The following CCDC149 variants were observed in gnomAD, a reference collection of about 807,000 sequenced individuals.
CCDC149 encodes the protein coiled-coil domain containing 149.
CCDC149 carries 45 observed loss-of-function variants against 59.9 expected under a neutral mutation model. The ratio of observed to expected loss-of-function variants is 0.75; its 90% confidence interval spans 0.59 to 0.96. The LOEUF is 0.96. Among genes scored for constraint, CCDC149 ranks in the 40% least tolerant of loss-of-function variants. The pLI, the probability that CCDC149 is intolerant of heterozygous loss-of-function variation, is 0.00. For synonymous variants in CCDC149, 245 were observed against 260.6 expected, an observed-to-expected ratio of 0.94 and a Z score of 0.58; for missense variants, 584 against 664.7, an observed-to-expected ratio of 0.88 and a Z score of 1.33.
intron 4 of CCDC149, among the ~76,000 whole-genome samples, chr4:24,844,707 A>G (rs2109161067): frequency 6.6e-6 from 1 of 152,276 alleles, no homozygotes; most frequent in African/African-American, 2.4e-5. Context: ...CGGGAGGCGG[A>G]GGTTGCAGTG....
At chr4:24,854,917 C>A (rs1717906332) in intron 3 of CCDC149, among the ~76,000 whole-genome samples, 1 of 152,166 alleles carries the variant, frequency 6.6e-6, no homozygotes, top group Non-Finnish European at 1.5e-5. Context: ...CAAAGGTCAC[C>A]GTCTCAACAG....
intron 3 of CCDC149, among the ~76,000 whole-genome samples, chr4:24,864,446 C>T (rs1384063287): frequency 3.9e-5 from 6 of 152,154 alleles, no homozygotes; most frequent in Admixed American, 1.3e-4. Flanking sequence ...GACCCTCACC[C>T]AGGAACCAAC....
intron 1 of CCDC149, among the ~76,000 whole-genome samples, chr4:24,888,122 GC>G (rs138378184): frequency 0.013 from 1,991 of 152,202 alleles, 42 homozygotes; most frequent in African/African-American, 0.046. Context: ...CTGCCCACCT[GC>G]CCACTTGTCT....
intron 1 of CCDC149, among the ~76,000 whole-genome samples, chr4:24,968,030 A>G (rs1391170335): frequency 6.6e-6 from 1 of 152,200 alleles, no homozygotes; most frequent in African/African-American, 2.4e-5. Flanking sequence ...GTATTGGTTA[A>G]CAAAGAAGGG....
intron 1 of CCDC149, among the ~76,000 whole-genome samples, chr4:24,900,961 C>A (rs4697075): frequency 0.14 from 21,156 of 152,186 alleles, 1,579 homozygotes; most frequent in East Asian, 0.21. Flanking sequence ...TCAAGGTCAG[C>A]ATGAAGAGGC....
At chr4:24,959,725 G>GA (rs1420022293) in intron 1 of CCDC149, among the ~76,000 whole-genome samples, 1 of 152,024 alleles carries the variant, frequency 6.6e-6, no homozygotes, top group Non-Finnish European at 1.5e-5. Context: ...TTTTTCATCA[G>GA]AAAAAAATGC....
chr4:24,855,457 A>G (rs927160248), intron 3 of CCDC149, among the ~76,000 whole-genome samples: 10 of 151,966 alleles, frequency 6.6e-5, no homozygotes, highest in Non-Finnish European at 1.5e-5. Context: ...TCCCAGCTAC[A>G]GTGGAGGCTG....
At chr4:24,879,297 C>A (rs1005288526) in intron 1 of CCDC149, among the ~76,000 whole-genome samples, 2 of 152,042 alleles carry the variant, frequency 1.3e-5, no homozygotes, top group African/African-American at 4.8e-5. Flanking sequence ...GGGCAGAACA[C>A]CTGAGGTCTC....
At chr4:24,932,721 C>T (rs1018349022) in intron 1 of CCDC149, among the ~76,000 whole-genome samples, 1 of 152,124 alleles carries the variant, frequency 6.6e-6, no homozygotes, top group Admixed American at 6.5e-5. Flanking sequence ...TGCAACCCAG[C>T]ACTGGCTTCC....
chr4:24,895,239 G>A (rs995643139), intron 1 of CCDC149: 2 of 589,828 alleles, frequency 3.4e-6, no homozygotes, highest in Admixed American at 2.7e-5. Context: ...CTTCTGGGGA[G>A]CTGGGGATGC....
At chr4:24,929,729 G>T (rs1465084904) in intron 1 of CCDC149, among the ~76,000 whole-genome samples, 1 of 152,092 alleles carries the variant, frequency 6.6e-6, no homozygotes, top group African/African-American at 2.4e-5. Flanking sequence ...CACTCACATC[G>T]CAGAATCTTC....
At chr4:24,912,730 C>G in intron 1 of CCDC149, 87 bp downstream of exon 1, 1 of 993,546 alleles carries the variant, frequency 1.0e-6, no homozygotes, top group South Asian at 4.7e-5. Flanking sequence ...TCTCGTCCCT[C>G]CCAGCTCGGC....
chr4:24,884,178 G>A (rs1253127967), intron 1 of CCDC149, among the ~76,000 whole-genome samples: 2 of 152,276 alleles, frequency 1.3e-5, no homozygotes, highest in East Asian at 3.9e-4. Flanking sequence ...AACAACAAAC[G>A]GCATGTACAA....
chr4:24,971,543 AG>A (rs1723970209), intron 1 of CCDC149, among the ~76,000 whole-genome samples: 1 of 152,238 alleles, frequency 6.6e-6, no homozygotes, highest in African/African-American at 2.4e-5. Flanking sequence ...TGTCTGCAAA[AG>A]GTATAATTAC....
At chr4:24,942,581 C>T (rs1448243629) in intron 1 of CCDC149, among the ~76,000 whole-genome samples, 2 of 152,108 alleles carry the variant, frequency 1.3e-5, no homozygotes, top group South Asian at 2.1e-4. Flanking sequence ...AAAGGGCATT[C>T]AATTAGGAAA....
At chr4:24,930,206 A>G (rs955065086) in intron 1 of CCDC149, among the ~76,000 whole-genome samples, 3 of 152,146 alleles carry the variant, frequency 2.0e-5, no homozygotes, top group Non-Finnish European at 4.4e-5. Context: ...ATGACCTTCC[A>G]TTTCCTTTCC....
Position 24,875,080 on chromosome 4 carries a change from G to A in CCDC149, c.226-1361C>T, listed in dbSNP as rs540911170. On this transcript the variant is annotated intron_variant, in intron 2 of 12. Coordinates refer to ENST00000635206, the MANE Select transcript of CCDC149 (RefSeq NM_001330643.2). ...TCCCAGCACCTTGGGAGGGCGAGGCGGGCAGATCACGAGGTCAGGAGATTG... is the reference window on the plus strand; with the variant it reads ...TCCCAGCACCTTGGGAGGGCGAGGCAGGCAGATCACGAGGTCAGGAGATTG... Among the ~76,000 whole-genome samples, 109 of 152,252 alleles carry A rather than the reference G, an allele frequency of 7.2e-4. No homozygotes were observed. In the South Asian group the frequency reaches 7.3e-3, roughly 10 times the overall value.
intron 3 of CCDC149, among the ~76,000 whole-genome samples, chr4:24,871,982 G>A (rs13131918): frequency 0.41 from 61,738 of 152,050 alleles, 14,319 homozygotes; most frequent in Non-Finnish European, 0.52. Flanking sequence ...GAGAAGGATC[G>A]GAGAAGAACT....
At chr4:24,871,614 T>TTC (rs368515161) in intron 3 of CCDC149, among the ~76,000 whole-genome samples, 11,745 of 150,820 alleles carry the variant, frequency 0.078, 457 homozygotes, top group Middle Eastern at 0.097. Context: ...TGCTCTCTCA[T>TTC]TCTCTCTCTC....
Sources: allele counts gnomAD v4.1 joint callset (sites outside exome capture counted in the v4.1 genomes callset), GRCh38; gene constraint gnomAD v4.1.1; transcripts MANE v1.5; gene names NCBI Gene and HGNC (gene_info 2026-07-23, HGNC 2026-07-21).